Variants in TMEM131L observed in about 807,000 individuals in gnomAD.
TMEM131L encodes transmembrane 131 like, also known as transmembrane protein 131-like.
In TMEM131L, 54 loss-of-function variants were observed where a neutral mutation model predicts 192.2. That is an observed-to-expected ratio of 0.28 (90% CI 0.23 to 0.35). The LOEUF (loss-of-function observed/expected upper bound fraction) is 0.35. Ranked by LOEUF, TMEM131L falls within the 10% of genes least tolerant of loss-of-function variation. TMEM131L has a pLI of 1.00. For missense variants in TMEM131L, 1,888 were observed against 1,972.9 expected (o/e 0.96, Z 0.82); for synonymous variants, 701 against 704.9 (o/e 0.99, Z 0.09).
intron 12 of TMEM131L, 97 bp downstream of exon 12, chr4:153,585,028 A>ATTCT: frequency 1.0e-6 from 1 of 971,788 alleles, no homozygotes; most frequent in Non-Finnish European, 1.6e-6. Context: ...GATTTGTGTG[A>ATTCT]TTCTCTCTCT....
At chr4:153,564,651 G>A (rs1729075778) in intron 7 of TMEM131L, among the ~76,000 whole-genome samples, 1 of 152,158 alleles carries the variant, frequency 6.6e-6, no homozygotes, top group South Asian at 2.1e-4. Context: ...TGAATGACAG[G>A]CTGAGGCTCT....
At chr4:153,612,872 AGG>A (rs1732731566) in intron 26 of TMEM131L, among the ~76,000 whole-genome samples, 2 of 152,216 alleles carry the variant, frequency 1.3e-5, no homozygotes, top group African/African-American at 2.4e-5. Context: ...GCAGATCAAA[AGG>A]GGACAATGTG....
intron 20 of TMEM131L, among the ~76,000 whole-genome samples, 156 bp from the exon 21 acceptor site, chr4:153,598,434 T>C (rs547037694): frequency 6.6e-6 from 1 of 152,222 alleles, no homozygotes; most frequent in African/African-American, 2.4e-5. Context: ...TTCTGTGAGA[T>C]GGAAGAAGAT....
rs34343821 is a variant in TMEM131L at position 153,636,464 on chromosome 4, C to T, written c.4721C>T (p.Pro1574Leu). The part of the protein sequence containing the change: ...NQAVVCKEYY[P>L]GFNPFRAYMN... Reference sequence around the variant, plus strand: ...GCGGTCGTGTGCAAGGAATACTACCCGGGGTTCAACCCGTTTCGCGCCTAT... The same window carrying T: ...GCGGTCGTGTGCAAGGAATACTACCTGGGGTTCAACCCGTTTCGCGCCTAT... Residue 1574 changes from proline (P) to leucine (L), a missense_variant, in exon 35 of 35, where the codon CCG becomes CTG. Coordinates refer to ENST00000409959, the MANE Select transcript of TMEM131L (RefSeq NM_001131007.2). 17,420 of 1,614,140 alleles carry T rather than the reference C, an allele frequency of 0.011. 116 individuals carry two copies. The highest frequency in any genetic ancestry group is 0.013 in the Non-Finnish European group (15,021 of 1,180,038).
chr4:153,474,407 T>C (rs887260225), intron 3 of TMEM131L, among the ~76,000 whole-genome samples: 1 of 152,138 alleles, frequency 6.6e-6, no homozygotes, highest in African/African-American at 2.4e-5. Context: ...GCGGGAACAG[T>C]GCTTTGGTCA....
intron 7 of TMEM131L, among the ~76,000 whole-genome samples, chr4:153,573,412 T>C (rs1039679214): frequency 6.6e-6 from 1 of 152,256 alleles, no homozygotes; most frequent in Non-Finnish European, 1.5e-5. Context: ...TGTCATTTGT[T>C]TGAGGCCCAG....
At chr4:153,472,028 C>A (rs1171741875) in intron 2 of TMEM131L, among the ~76,000 whole-genome samples, 1 of 152,002 alleles carries the variant, frequency 6.6e-6, no homozygotes, top group African/African-American at 2.4e-5. Context: ...ATTTGGTAAT[C>A]TTTTTGTCAT....
rs977563313 is a variant in TMEM131L, at chr4:153,485,145, A to G, written c.239+11257A>G. ...TTAAAAAAAAAAAAAAAAAAAAAAAATCAGCATTTGTTGAGAATTTAAATA... is the reference window on the plus strand; with the variant it reads ...TTAAAAAAAAAAAAAAAAAAAAAAAGTCAGCATTTGTTGAGAATTTAAATA... On this transcript the variant is annotated intron_variant, in intron 3 of 34. Transcript: ENST00000409959. Among the ~76,000 whole-genome samples, 5 of 148,504 alleles carry G rather than the reference A, an allele frequency of 3.4e-5. No homozygotes were observed. In the Admixed American group the frequency reaches 3.4e-4, roughly 10 times the overall value.
chr4:153,527,483 C>G (rs1039136785), intron 3 of TMEM131L, among the ~76,000 whole-genome samples: 3 of 152,116 alleles, frequency 2.0e-5, no homozygotes, highest in African/African-American at 7.2e-5. Flanking sequence ...CCATGTTGCT[C>G]AGGCTGGTCT....
chr4:153,511,523 C>G (rs144557464), intron 3 of TMEM131L, among the ~76,000 whole-genome samples: 34 of 152,240 alleles, frequency 2.2e-4, no homozygotes, highest in African/African-American at 5.3e-4. Flanking sequence ...TAACTGAGTA[C>G]TAAGCTTAGT....
At chr4:153,505,639 T>C (rs1733935764) in intron 3 of TMEM131L, among the ~76,000 whole-genome samples, 1 of 152,236 alleles carries the variant, frequency 6.6e-6, no homozygotes, top group Non-Finnish European at 1.5e-5. Context: ...ATTCAGGTTG[T>C]CATTGTGTTT....
intron 3 of TMEM131L, among the ~76,000 whole-genome samples, chr4:153,529,965 G>A (rs930794710): frequency 6.6e-6 from 1 of 150,946 alleles, no homozygotes; most frequent in Non-Finnish European, 1.5e-5. Flanking sequence ...AATCTAAGTA[G>A]TTTATAGTTC....
chr4:153,562,038 T>A (rs935827992), intron 7 of TMEM131L, among the ~76,000 whole-genome samples: 22 of 150,630 alleles, frequency 1.5e-4, no homozygotes, highest in Non-Finnish European at 2.4e-4. Context: ...AAATAAATTT[T>A]AAATTTTTTT....
chr4:153,492,896 CAGG>C (rs1449432903), intron 3 of TMEM131L, among the ~76,000 whole-genome samples: 2 of 151,960 alleles, frequency 1.3e-5, no homozygotes, highest in Middle Eastern at 3.4e-3. Flanking sequence ...AGGCTGAGCT[CAGG>C]AGGAGAACTT....
intron 3 of TMEM131L, among the ~76,000 whole-genome samples, chr4:153,475,129 C>T (rs543754777): frequency 3.9e-5 from 6 of 152,282 alleles, no homozygotes; most frequent in African/African-American, 1.2e-4. Flanking sequence ...CTGTTGGCTT[C>T]ATCTTGGGCA....
At chr4:153,607,668 A>G (rs569008400) in intron 25 of TMEM131L, among the ~76,000 whole-genome samples, 1 of 152,272 alleles carries the variant, frequency 6.6e-6, no homozygotes, top group East Asian at 1.9e-4. Flanking sequence ...TTTCCTAACT[A>G]TCAGAACTCC....
At chr4:153,569,468 CA>C (rs1213115272) in intron 7 of TMEM131L, among the ~76,000 whole-genome samples, 1 of 152,224 alleles carries the variant, frequency 6.6e-6, no homozygotes, top group African/African-American at 2.4e-5. Flanking sequence ...TTCCCCATCC[CA>C]AATTCTTTTC....
intron 18 of TMEM131L, 44 bp from the exon 19 acceptor site, chr4:153,593,755 G>A: frequency 8.1e-7 from 1 of 1,227,734 alleles, no homozygotes; most frequent in Non-Finnish European, 1.2e-6. Flanking sequence ...TTCTTTACTG[G>A]CAGATGTGAG....
chr4:153,476,740 C>T lies in TMEM131L; in HGVS notation c.239+2852C>T, dbSNP rs538279692. Among the ~76,000 whole-genome samples the T allele has an allele frequency of 1.5e-4, 23 of 151,854 alleles. 1 individual carries two copies. The highest frequency in any genetic ancestry group is 4.8e-4 in the African/African-American group (20 of 41,398). On this transcript the variant is annotated intron_variant, in intron 3 of 34. Coordinates refer to ENST00000409959, the MANE Select transcript of TMEM131L (RefSeq NM_001131007.2). ...ACAAAACCAAAAATTCCTTGGGTGA[C>T]GTGGAATAGAAATGAGTTCATGGAG...
Sources: allele counts gnomAD v4.1 joint callset (sites outside exome capture counted in the v4.1 genomes callset), GRCh38; gene constraint gnomAD v4.1.1; transcripts MANE v1.5; gene names NCBI Gene and HGNC (gene_info 2026-07-23, HGNC 2026-07-21).